The following NUP214 variants were observed in gnomAD, a reference collection of about 807,000 sequenced individuals.
NUP214 encodes nucleoporin 214, also known as nuclear pore complex protein Nup214.
Under a neutral mutation model 196.2 loss-of-function variants are expected in NUP214, and 79 were observed. The observed-to-expected ratio is 0.40, with a 90% confidence interval of 0.34 to 0.49. NUP214 has a LOEUF of 0.49. NUP214 is among the 20% of genes least tolerant of loss of function. The pLI is 0.58. For synonymous variants in NUP214, 1,020 were observed against 990.5 expected, an observed-to-expected ratio of 1.03 and a Z score of -0.56; for missense variants, 2,468 against 2,539.0, an observed-to-expected ratio of 0.97 and a Z score of 0.60.
chr9:131,129,328 C>G lies in NUP214; in HGVS notation c.443C>G (p.Ala148Gly), dbSNP rs1368370194. Residue 148 changes from alanine (A) to glycine (G), a missense_variant, in exon 4 of 36, where the codon GCA becomes GGA. Physicochemically the swap from Ala to Gly is moderately conservative, Grantham distance 60. This residue lies in a region of NUP214 where 392 missense variants were observed against 417.9 expected (regional missense o/e 0.94). Coordinates refer to ENST00000359428, the MANE Select transcript of NUP214 (RefSeq NM_005085.4). Reference sequence around the variant, plus strand: ...GCCTATCATAAGCTTTTGAAAGATGCAGGAGGCATGGTGATTGATATGAAG... The same window carrying G: ...GCCTATCATAAGCTTTTGAAAGATGGAGGAGGCATGGTGATTGATATGAAG... ...PFAYHKLLKD[A>G]GGMVIDMKWN... 3.1e-6 allele frequency: 5 copies of G among 1,614,178 alleles called. No homozygotes were observed. The highest frequency in any genetic ancestry group is 4.2e-6 in the Non-Finnish European group (5 of 1,180,022).
intron 21 of NUP214, chr9:131,165,176 G>A (rs1832752395): frequency 6.6e-6 from 1 of 152,118 alleles, no homozygotes; most frequent in South Asian, 2.1e-4. Flanking sequence ...TGTAATCTTA[G>A]CTCTTCAGGT....
Position 131,125,861 on chromosome 9 carries a change from A to G in NUP214, c.45+112A>G, listed in dbSNP as rs1831331394. ...GTCCCGCCTCCTGCTTGAACAGTTT[A>G]CCGCGTTCACAGCTCTCACCAGCGC... is the stretch of plus-strand genomic sequence containing the variant. On this transcript the variant is annotated intron_variant, in intron 1 of 35. Coordinates refer to ENST00000359428, the MANE Select transcript of NUP214 (RefSeq NM_005085.4). The surrounding 1 kb of genome is among the most constrained non-coding windows in gnomAD (Gnocchi z 4.1). 2 of 1,275,366 alleles carry G rather than the reference A, an allele frequency of 1.6e-6. No homozygotes were observed. Among genetic ancestry groups the G allele is most frequent in the Admixed American group, 2.4e-5 (1 of 41,254 alleles). 79.0% of individuals were successfully genotyped at this position (1,275,366 alleles called of 1,614,324 possible).
intron 7 of NUP214, 92 bp downstream of exon 7, chr9:131,133,301 T>A: frequency 1.4e-6 from 1 of 709,492 alleles, no homozygotes; most frequent in South Asian, 2.4e-5. Context: ...TTTTTGTGTT[T>A]GTGTTTTTTT....
In NUP214 at chr9:131,215,222, C is replaced by G. The variant is rs1834357467; in HGVS notation, c.5603C>G (p.Ser1868Cys). The change falls in exon 31 of 36, where the codon TCT becomes TGT. Residue 1868 changes from serine (S) to cysteine (C), a missense_variant. Physicochemically the swap from Ser to Cys is moderately radical, Grantham distance 112. This residue lies in a region of NUP214 where 262 missense variants were observed against 296.5 expected (regional missense o/e 0.88). Transcript: ENST00000359428. ...CCTTTTGTTTTTTAGCAATCATCCT[C>G]TTCCAGTGGTAGCGTGTTTGGGTCT... ...GGIVFGQQSS[S>C]SSGSVFGSGN... is the part of the protein sequence containing the mutation. 1.3e-6 allele frequency: 2 copies of G among 1,546,138 alleles called. No individual in the cohort carries two copies. Among genetic ancestry groups the G allele is most frequent in the Non-Finnish European group, 1.7e-6 (2 of 1,149,938 alleles).
intron 4 of NUP214, 110 bp downstream of exon 4, chr9:131,129,587 A>C: frequency 2.0e-6 from 2 of 1,020,518 alleles, no homozygotes; most frequent in South Asian, 3.0e-5. Flanking sequence ...TTTTTTTTTC[A>C]TGACGAGGGA....
At chr9:131,127,789 A>G (rs1338452455) in intron 2 of NUP214, 70 bp downstream of exon 2, 1 of 1,171,644 alleles carries the variant, frequency 8.5e-7, no homozygotes, top group Non-Finnish European at 1.2e-6. Flanking sequence ...TTTCCTTCCC[A>G]AGAAGTCATT....
chr9:131,129,314 G>A lies in NUP214; in HGVS notation c.429G>A (p.Lys143=), dbSNP rs760329051. 59 of 1,614,058 alleles carry A rather than the reference G, an allele frequency of 3.7e-5. No homozygotes were observed. The highest frequency in any genetic ancestry group is 4.5e-5 in the Non-Finnish European group (53 of 1,180,032). ...AAAAACGCCCATTTGCCTATCATAA[G>A]CTTTTGAAAGATGCAGGAGGCATGG... ...KQQKRPFAYH[K]LLKDAGGMVI... Residue 143 remains lysine, a synonymous_variant, in exon 4 of 36, where the codon AAG becomes AAA. Transcript: ENST00000359428.
At position 131,146,717 on chromosome 9, in the gene NUP214, G is replaced by A. The variant is rs535137038; in HGVS notation, c.1945+413G>A. ...GGCCAAGGCAGGTGGATCACCGGAG[G>A]TTAGGAGTTCGAGACCAGCCTGGCC... On this transcript the variant is annotated intron_variant, in intron 13 of 35. Transcript: ENST00000359428. The surrounding 1 kb of genome is among the most constrained non-coding windows in gnomAD (Gnocchi z 4.6). Among the ~76,000 whole-genome samples, 340 of 152,258 alleles carry A rather than the reference G, an allele frequency of 2.2e-3. No individual in the cohort carries two copies. Among genetic ancestry groups the A allele is most frequent in the Non-Finnish European group, 2.9e-3 (199 of 68,014 alleles).
chr9:131,149,592 A>G (rs1207111474), intron 14 of NUP214, among the ~76,000 whole-genome samples: 2 of 151,646 alleles, frequency 1.3e-5, no homozygotes, highest in South Asian at 2.1e-4. Flanking sequence ...AAGCTGTTGC[A>G]CCTCTCACCT....
intron 31 of NUP214, among the ~76,000 whole-genome samples, chr9:131,220,994 T>C (rs945401632): frequency 1.3e-5 from 2 of 152,252 alleles, no homozygotes; most frequent in Non-Finnish European, 1.5e-5. Flanking sequence ...CCCTTGAATT[T>C]GTTTGCTATT....
At chr9:131,176,646 A>G (rs1321385691) in intron 23 of NUP214, among the ~76,000 whole-genome samples, 3 of 152,142 alleles carry the variant, frequency 2.0e-5, no homozygotes, top group African/African-American at 4.8e-5. Context: ...TTTTTTTAAC[A>G]TTGTAAAATT....
Position 131,173,081 on chromosome 9 carries a change from G to T in NUP214, c.2894-974G>T, listed in dbSNP as rs533516078. 1.9e-3 allele frequency among the ~76,000 whole-genome samples: 293 copies of T among 152,248 alleles called. 3 individuals carry two copies. The highest frequency in any genetic ancestry group is 6.7e-3 in the African/African-American group (280 of 41,548). ...GTTTTTCTTGTTGTTATTTGAGAAG[G>T]AGTCTCACTCTGTTGCCCAGGCTGC... is the stretch of plus-strand genomic sequence containing the variant. On this transcript the variant is annotated intron_variant, in intron 21 of 35. Coordinates refer to ENST00000359428, the MANE Select transcript of NUP214 (RefSeq NM_005085.4).
chr9:131,187,930 T>C (rs1833499682), intron 25 of NUP214, among the ~76,000 whole-genome samples: 1 of 152,220 alleles, frequency 6.6e-6, no homozygotes, highest in Non-Finnish European at 1.5e-5. Flanking sequence ...TCTAATACCA[T>C]ACATTTTTAT....
At chr9:131,187,575 C>T (rs1278407046) in intron 25 of NUP214, among the ~76,000 whole-genome samples, 3 of 151,998 alleles carry the variant, frequency 2.0e-5, no homozygotes, top group Non-Finnish European at 4.4e-5. Context: ...TTAGTAGAGA[C>T]GCGGTTTCAC....
In NUP214 at chr9:131,228,351, C is replaced by G; in HGVS notation, c.6074+20C>G. On this transcript the variant is annotated intron_variant, in intron 33 of 35. Coordinates refer to ENST00000359428, the MANE Select transcript of NUP214 (RefSeq NM_005085.4). ...ATTCGGGTAAGCCCCCTGGGGAGGG[C>G]CCTTGGGAACCCACACGCCAGCCAA... The G allele has an allele frequency of 6.4e-7, 1 of 1,562,800 alleles. No homozygotes were observed. Among genetic ancestry groups the G allele is most frequent in the Non-Finnish European group, 8.6e-7 (1 of 1,163,506 alleles).
intron 18 of NUP214, 140 bp downstream of exon 18, chr9:131,159,626 G>C (rs1588138996): frequency 1.4e-6 from 1 of 698,786 alleles, no homozygotes; most frequent in Non-Finnish European, 2.5e-6. Context: ...GGCAGGCCGA[G>C]GCGAGTGGAT....
chr9:131,151,515 A>G (rs1832263488), intron 16 of NUP214, among the ~76,000 whole-genome samples: 1 of 152,242 alleles, frequency 6.6e-6, no homozygotes, highest in African/African-American at 2.4e-5. Context: ...CTGCATTTTC[A>G]ATCATTAGAA....
In NUP214 at chr9:131,228,162, G is replaced by A; in HGVS notation, c.5905G>A (p.Gly1969Ser). The A allele has an allele frequency of 1.3e-6, 2 of 1,575,712 alleles. No homozygotes were observed. The highest frequency in any genetic ancestry group is 2.3e-5 in the South Asian group (2 of 86,146). ...TTGTTTGCCTCTGTTTTGCTCAGGT[G>A]GCTTCGGTGCTGCTCCAGTGTTTGG... ...FGFSSPNKTG[G>S]FGAAPVFGSP... is the part of the protein sequence containing the mutation. Residue 1969 changes from glycine to serine, a missense_variant and splice_region_variant, in exon 33 of 36, where the codon GGC becomes AGC. Physicochemically the swap from Gly to Ser is moderately conservative, Grantham distance 56 (BLOSUM62 0). This residue lies in a region of NUP214 where 262 missense variants were observed against 296.5 expected (regional missense o/e 0.88). Transcript: ENST00000359428.
At chr9:131,155,911 C>T (rs1377297066) in intron 17 of NUP214, among the ~76,000 whole-genome samples, 3 of 152,072 alleles carry the variant, frequency 2.0e-5, no homozygotes, top group Admixed American at 6.5e-5. Flanking sequence ...AGTCAGATAA[C>T]GTGATACCTC....
Sources: allele counts gnomAD v4.1 joint callset (sites outside exome capture counted in the v4.1 genomes callset), GRCh38; gene constraint gnomAD v4.1.1; regional missense constraint gnomAD v4.1.1; non-coding constraint Gnocchi (gnomAD v3.1); transcripts MANE v1.5; gene names NCBI Gene and HGNC (gene_info 2026-07-23, HGNC 2026-07-21).